TBC1D5: variants seen among roughly 807,000 people sequenced by gnomAD.
TBC1D5 encodes the protein TBC1 domain family, member 5.
In TBC1D5, 75 loss-of-function variants were observed where a neutral mutation model predicts 100.3. The ratio of observed to expected loss-of-function variants is 0.75; its 90% CI spans 0.62 to 0.91. TBC1D5 has a LOEUF of 0.91. TBC1D5 is among the 40% of genes least tolerant of loss of function. The pLI, the probability that TBC1D5 is intolerant of heterozygous loss-of-function variation, is 0.00. For synonymous variants in TBC1D5, 323 were observed against 325.6 expected, an observed-to-expected ratio of 0.99 and a Z score of 0.09; for missense variants, 910 against 942.4, an observed-to-expected ratio of 0.97 and a Z score of 0.45.
At chr3:17,683,781 T>C (rs905874714) in intron 1 of TBC1D5, among the ~76,000 whole-genome samples, 1 of 152,200 alleles carries the variant, frequency 6.6e-6, no homozygotes, top group African/African-American at 2.4e-5. Context: ...ACAGTAGTTA[T>C]ATCACTGTGA....
At chr3:17,565,027 T>C (rs2096585011) in intron 2 of TBC1D5, among the ~76,000 whole-genome samples, 1 of 128,756 alleles carries the variant, frequency 7.8e-6, no homozygotes, top group South Asian at 2.4e-4. Flanking sequence ...AAACCTCTGT[T>C]CTTTAATGTT....
At chr3:17,217,426 T>G (rs2073781345) in intron 17 of TBC1D5, among the ~76,000 whole-genome samples, 1 of 152,166 alleles carries the variant, frequency 6.6e-6, no homozygotes, top group African/African-American at 2.4e-5. Context: ...ATGGCAACTC[T>G]GCATTTAACA....
chr3:17,653,497 A>G lies in TBC1D5; in HGVS notation c.-100-29584T>C, dbSNP rs952980807. 2.0e-5 allele frequency among the ~76,000 whole-genome samples: 3 copies of G among 152,066 alleles called. No individual in the cohort carries two copies. In the East Asian group the frequency reaches 5.8e-4, roughly 29 times the overall value. ...CAAATTGAGGGATATTCTAAAATAT[A>G]GCTGACCAGTGAGTACTATCCAAAA... On this transcript the variant is annotated intron_variant, in intron 1 of 21. Transcript: ENST00000253692.
chr3:17,543,555 T>C (rs2096380757), intron 2 of TBC1D5, among the ~76,000 whole-genome samples: 1 of 152,122 alleles, frequency 6.6e-6, no homozygotes, highest in Non-Finnish European at 1.5e-5. Flanking sequence ...GGAGGACTGA[T>C]TGAGCCCAGG....
intron 2 of TBC1D5, among the ~76,000 whole-genome samples, chr3:17,511,210 T>C (rs948770695): frequency 3.3e-5 from 5 of 152,050 alleles, no homozygotes; most frequent in Non-Finnish European, 5.9e-5. Flanking sequence ...TTAAACACTT[T>C]TCAAAATTTT....
chr3:17,164,720 T>A (rs528937164), intron 21 of TBC1D5, among the ~76,000 whole-genome samples: 1 of 152,300 alleles, frequency 6.6e-6, no homozygotes, highest in East Asian at 1.9e-4. Context: ...CTGGCAGCTA[T>A]CTCATGCCTG....
At chr3:17,664,800 G>A (rs754825002) in intron 1 of TBC1D5, among the ~76,000 whole-genome samples, 32 of 152,058 alleles carry the variant, frequency 2.1e-4, no homozygotes, top group Admixed American at 2.0e-4. Context: ...ATATTCTAGT[G>A]AATCTAAGTC....
At chr3:17,632,017 T>C (rs1387720611) in intron 1 of TBC1D5, among the ~76,000 whole-genome samples, 1 of 152,342 alleles carries the variant, frequency 6.6e-6, no homozygotes, top group Admixed American at 6.5e-5. Context: ...ATTGCTGCCA[T>C]AAACAGTGAT....
chr3:17,326,376 T>C (rs2086138226), intron 13 of TBC1D5, among the ~76,000 whole-genome samples: 2 of 152,232 alleles, frequency 1.3e-5, no homozygotes, highest in Non-Finnish European at 2.9e-5. Context: ...TTCATTCTGA[T>C]AAGCTTTTTA....
At chr3:17,728,592 T>C (rs1465824171) in intron 1 of TBC1D5, among the ~76,000 whole-genome samples, 2 of 152,188 alleles carry the variant, frequency 1.3e-5, no homozygotes, top group Admixed American at 6.5e-5. Flanking sequence ...TATGGGCATT[T>C]TGAATTTAAT....
intron 1 of TBC1D5, among the ~76,000 whole-genome samples, chr3:17,628,402 T>G (rs1425205923): frequency 6.6e-6 from 1 of 151,340 alleles, no homozygotes; most frequent in East Asian, 1.9e-4. Flanking sequence ...CACACCCAAT[T>G]TGCATGGTAG....
intron 2 of TBC1D5, chr3:17,524,839 GA>G (rs1355699176): frequency 1.3e-5 from 2 of 152,034 alleles, no homozygotes; most frequent in Admixed American, 1.3e-4. Flanking sequence ...ACTACAGCCT[GA>G]GTGACAAGAC....
chr3:17,386,718 T>G (rs1250593292), intron 8 of TBC1D5, among the ~76,000 whole-genome samples: 1 of 152,184 alleles, frequency 6.6e-6, no homozygotes, highest in Non-Finnish European at 1.5e-5. Context: ...ACTACGTGGC[T>G]GTGCTGGCGT....
chr3:17,406,340 A>C, intron 5 of TBC1D5, 78 bp downstream of exon 5: 1 of 1,284,686 alleles, frequency 7.8e-7, no homozygotes, highest in South Asian at 1.4e-5. Context: ...GATCCCCTGC[A>C]TGGCTAATCT....
chr3:17,166,955 TG>T (rs928676680), intron 20 of TBC1D5, 27 bp from the exon 22 acceptor site: 1 of 1,571,542 alleles, frequency 6.4e-7, no homozygotes, highest in African/African-American at 1.4e-5. Context: ...AGAAAATAAA[TG>T]AAAAAAATGG....
intron 1 of TBC1D5, among the ~76,000 whole-genome samples, chr3:17,661,474 T>C (rs1267125438): frequency 1.3e-5 from 2 of 151,834 alleles, no homozygotes; most frequent in East Asian, 2.0e-4. Flanking sequence ...ACTTTTTCTA[T>C]ATGATTTTTC....
chr3:17,462,209 A>G (rs2095224608), intron 3 of TBC1D5, among the ~76,000 whole-genome samples: 2 of 151,988 alleles, frequency 1.3e-5, no homozygotes, highest in African/African-American at 4.8e-5. Context: ...ATTCATTGTT[A>G]AGGTCTGCTC....
intron 1 of TBC1D5, among the ~76,000 whole-genome samples, chr3:17,690,054 T>C (rs1014368697): frequency 6.6e-6 from 1 of 151,968 alleles, no homozygotes; most frequent in African/African-American, 2.4e-5. Context: ...AGTCATAACA[T>C]GGCCAACAAA....
At chr3:17,167,869 GCATAACCTACCTGCTGCCA>G in intron 19 of TBC1D5, 41 bp from the exon 21 acceptor site, 1 of 1,415,034 alleles carries the variant, frequency 7.1e-7, no homozygotes, top group East Asian at 2.3e-5. Flanking sequence ...AATGCTCTGA[GCATAACCTACCTGCTGCCA>G]CATCATAACT....
Sources: allele counts gnomAD v4.1 joint callset (sites outside exome capture counted in the v4.1 genomes callset), GRCh38; gene constraint gnomAD v4.1.1; transcripts MANE v1.5; gene names NCBI Gene and HGNC (gene_info 2026-07-23, HGNC 2026-07-21).